The following SH3BP5 variants were observed in gnomAD, a reference collection of about 807,000 sequenced individuals.
SH3BP5 encodes SH3 domain binding protein 5.
A neutral mutation model predicts 43.3 loss-of-function variants in SH3BP5; 22 were observed. The observed-to-expected ratio is 0.51, with a 90% CI of 0.36 to 0.73. The LOEUF is 0.73. Ranked by LOEUF, SH3BP5 falls within the 30% of genes least tolerant of loss-of-function variation. SH3BP5 has a pLI of 0.00. For synonymous variants in SH3BP5, 255 were observed against 225.8 expected (o/e 1.13, Z -1.16); for missense variants, 529 against 586.9 (o/e 0.90, Z 1.02).
chr3:15,328,895 CAGTGGCAACTGGACTGTTTAATAT>C (rs1380116355), intron 2 of SH3BP5, among the ~76,000 whole-genome samples: 1 of 152,182 alleles, frequency 6.6e-6, no homozygotes, highest in Non-Finnish European at 1.5e-5. Flanking sequence ...CAGTTTAATA[CAGTGGCAACTGGACTGTTTAATAT>C]AGTGGCAACT....
chr3:15,331,524 GATCTCGGCTTGGAAATTGTTTTTTAATC>G (rs1698608991), intron 1 of SH3BP5, among the ~76,000 whole-genome samples: 1 of 152,174 alleles, frequency 6.6e-6, no homozygotes, highest in African/African-American at 2.4e-5. Context: ...GTCACTCCTA[GATCTCGGCTTGGAAATTGTTTTTTAATC>G]ATCTCTCTTG....
chr3:15,281,865 G>A (rs1327553823), intron 3 of SH3BP5, among the ~76,000 whole-genome samples: 3 of 152,106 alleles, frequency 2.0e-5, no homozygotes, highest in South Asian at 2.1e-4. Context: ...TTAGCCGGGC[G>A]CGGTGGTGCA....
At chr3:15,320,834 AG>A (rs1284038875) in intron 2 of SH3BP5, among the ~76,000 whole-genome samples, 4 of 152,174 alleles carry the variant, frequency 2.6e-5, no homozygotes, top group Admixed American at 6.5e-5. Flanking sequence ...TCAGAGTCAC[AG>A]GGTAGGCACC....
At chr3:15,268,290 T>TG (rs1159186557) in intron 4 of SH3BP5, among the ~76,000 whole-genome samples, 1 of 152,228 alleles carries the variant, frequency 6.6e-6, no homozygotes, top group Non-Finnish European at 1.5e-5. Context: ...CCCCAGGACT[T>TG]GAGCCACTGT....
chr3:15,338,068 G>A (rs780005581), intron 1 of SH3BP5, among the ~76,000 whole-genome samples: 2 of 151,126 alleles, frequency 1.3e-5, no homozygotes, highest in African/African-American at 2.4e-5. Flanking sequence ...TGAGCTAGGC[G>A]TGCTGGCCCA....
chr3:15,260,620 GGT>G, intron 5 of SH3BP5: 1 of 152,224 alleles, frequency 6.6e-6, no homozygotes, highest in East Asian at 1.9e-4. Flanking sequence ...GGGAGAGAGA[GGT>G]GTATAAGCTC....
rs1385857847 is a variant in SH3BP5, at chr3:15,255,314, T to G, written c.*772A>C. On this transcript the variant is annotated 3_prime_UTR_variant, in exon 9 of 9. Transcript: ENST00000383791. ...AGTGGCAACCATTCTTCACATGCAC[T>G]TCTCTTAGAATAAATCCCCTTGGCT... 6.6e-6 allele frequency: 1 copy of G among 152,596 alleles called. No homozygotes were observed. The highest frequency in any genetic ancestry group is 1.5e-5 in the Non-Finnish European group (1 of 68,038). The allele number at this position is 152,596 out of a possible 1,614,324, so 9.5% of individuals were successfully genotyped here.
chr3:15,259,582 G>C, intron 6 of SH3BP5, 179 bp downstream of exon 6: 1 of 727,378 alleles, frequency 1.4e-6, no homozygotes, highest in Non-Finnish European at 2.5e-6. Flanking sequence ...CAGTTACAGA[G>C]GTTCAGAGAC....
intron 4 of SH3BP5, among the ~76,000 whole-genome samples, chr3:15,268,161 C>A (rs993350242): frequency 6.6e-6 from 1 of 152,178 alleles, no homozygotes; most frequent in Non-Finnish European, 1.5e-5. Flanking sequence ...CAAGCTCAGC[C>A]GAGAGTCTCA....
At chr3:15,264,487 G>A (rs933580743) in intron 4 of SH3BP5, 18 of 152,050 alleles carry the variant, frequency 1.2e-4, no homozygotes, top group African/African-American at 2.7e-4. Context: ...TATTTGACAC[G>A]AGAAAATTTT....
At chr3:15,323,794 C>T (rs1416632345) in intron 2 of SH3BP5, among the ~76,000 whole-genome samples, 2 of 152,222 alleles carry the variant, frequency 1.3e-5, no homozygotes, top group African/African-American at 4.8e-5. Context: ...ATTACATAAT[C>T]TGCCAGAGGT....
chr3:15,257,053 T>G lies in SH3BP5; in HGVS notation c.950A>C (p.Glu317Ala), dbSNP rs753856713. The stretch of plus-strand genomic sequence containing the variant: ...ACTAAAGCTGGACACGGACTGGGTT[T>G]CCGAGTCATCTTCAGACACAAAGTT... ...CSNFVSEDDS[E>A]TQSVSSFSSG... The change falls in exon 8 of 9, where the codon GAA becomes GCA. Residue 317 changes from glutamate (E) to alanine (A), a missense_variant. Glu to Ala is a moderately radical substitution (Grantham distance 107). This residue lies in a region of SH3BP5 where 369 missense variants were observed against 384.3 expected (regional missense o/e 0.96). Transcript: ENST00000383791. 3 of 1,614,182 alleles carry G rather than the reference T, an allele frequency of 1.9e-6. No homozygotes were observed. The highest frequency in any genetic ancestry group is 4.5e-5 in the East Asian group (2 of 44,880).
Position 15,254,964 on chromosome 3 carries a change from T to C in SH3BP5, c.*1122A>G, listed in dbSNP as rs1575267873. The stretch of plus-strand genomic sequence containing the variant: ...GAAGTCACTATTGTATGAAGAGATT[T>C]ACAAATGACTAAAATATACAGGCTG... On this transcript the variant is annotated 3_prime_UTR_variant, in exon 9 of 9. Transcript: ENST00000383791. 1 of 152,318 alleles carries C rather than the reference T, an allele frequency of 6.6e-6. No homozygotes were observed. Among genetic ancestry groups the C allele is most frequent in the Admixed American group, 6.5e-5 (1 of 15,280 alleles). 9.4% of individuals were successfully genotyped at this position (152,318 alleles called of 1,614,324 possible). A position where few individuals can be genotyped will look rare whatever the true frequency, so the allele number is the denominator to read the frequency against.
At chr3:15,331,601 G>C (rs1698610734) in intron 1 of SH3BP5, among the ~76,000 whole-genome samples, 1 of 152,094 alleles carries the variant, frequency 6.6e-6, no homozygotes, top group Non-Finnish European at 1.5e-5. Flanking sequence ...TCCCCTCGCC[G>C]CCTCCACGCG....
At chr3:15,338,089 C>T (rs1430346820) in intron 1 of SH3BP5, among the ~76,000 whole-genome samples, 1 of 151,724 alleles carries the variant, frequency 6.6e-6, no homozygotes, top group African/African-American at 2.4e-5. Flanking sequence ...CATCTGTAAT[C>T]CCAGCACTTT....
Position 15,265,512 on chromosome 3 carries a change from T to TCTCACTCACA in SH3BP5, c.496-3224_496-3223insTGTGAGTGAG, listed in dbSNP as rs1318765546. Among the ~76,000 whole-genome samples, 115 of 107,988 alleles carry TCTCACTCACA rather than the reference T, an allele frequency of 1.1e-3. 1 individual carries two copies. Among genetic ancestry groups the TCTCACTCACA allele is most frequent in the African/African-American group, 4.6e-3 (112 of 24,118 alleles). 70.8% of individuals were successfully genotyped at this position (107,988 alleles called of 152,430 possible). ...GCCTGAGCTACAGGGCGAGACTCCG[T>TCTCACTCACA]CACACACACACACACACACACACAC... On this transcript the variant is annotated intron_variant, in intron 4 of 8. Coordinates refer to ENST00000383791, the MANE Select transcript of SH3BP5 (RefSeq NM_004844.5).
chr3:15,335,628 A>T (rs1698692773), upstream of SH3BP5, among the ~76,000 whole-genome samples: 1 of 152,182 alleles, frequency 6.6e-6, no homozygotes. Flanking sequence ...AGGAGGTTGT[A>T]TGTAGGTTAT....
At chr3:15,282,123 G>C (rs1283439787) in intron 3 of SH3BP5, among the ~76,000 whole-genome samples, 1 of 152,136 alleles carries the variant, frequency 6.6e-6, no homozygotes, top group Non-Finnish European at 1.5e-5. Context: ...GAAGAACAGA[G>C]TATATCCCTA....
intron 3 of SH3BP5, among the ~76,000 whole-genome samples, chr3:15,282,008 C>T (rs545818147): frequency 1.3e-5 from 2 of 151,932 alleles, no homozygotes; most frequent in African/African-American, 4.8e-5. Context: ...AACACGGTCC[C>T]CTCCCCCAAA....
Sources: allele counts gnomAD v4.1 joint callset (sites outside exome capture counted in the v4.1 genomes callset), GRCh38; gene constraint gnomAD v4.1.1; regional missense constraint gnomAD v4.1.1; transcripts MANE v1.5; gene names NCBI Gene and HGNC (gene_info 2026-07-23, HGNC 2026-07-21).